ATP11B: variants seen among roughly 807,000 people sequenced by gnomAD.
ATP11B encodes the protein phospholipid-transporting ATPase IF.
Under a neutral mutation model 157.8 loss-of-function variants are expected in ATP11B, and 81 were observed. That is an observed-to-expected ratio of 0.51 (90% CI 0.43 to 0.62). The LOEUF is 0.62. ATP11B is among the 20% of genes least tolerant of loss of function. The pLI is 0.00. For missense variants in ATP11B, 1,165 were observed against 1,402.2 expected, an observed-to-expected ratio of 0.83 and a Z score of 2.70; for synonymous variants, 451 against 469.4, an observed-to-expected ratio of 0.96 and a Z score of 0.51.
In ATP11B at chr3:182,913,906, TG is replaced by T; in HGVS notation, c.3365del (p.Cys1122PhefsTer20). On this transcript the variant is annotated frameshift_variant, in exon 29 of 30. Transcript: ENST00000323116. LOFTEE classifies it high-confidence loss of function. ...TATCAAGTGCTTGGACTCCATGTGC[TG>T]TTTCCCGGAAGGAGAAGCAGCGTGT... ...AGIKCLDSMC[C>X]FPEGEAACAS... 1 of 1,614,154 alleles carries T rather than the reference TG, an allele frequency of 6.2e-7. No individual in the cohort carries two copies. Among genetic ancestry groups the T allele is most frequent in the Non-Finnish European group, 8.5e-7 (1 of 1,179,974 alleles).
chr3:182,807,230 C>T (rs916666665), intron 1 of ATP11B, among the ~76,000 whole-genome samples: 3 of 151,960 alleles, frequency 2.0e-5, no homozygotes, highest in African/African-American at 7.3e-5. Flanking sequence ...CAGTAGCTTC[C>T]ACCGTTATCT....
intron 15 of ATP11B, 26 bp downstream of exon 15, chr3:182,867,470 G>T (rs1355667179): frequency 3.5e-6 from 5 of 1,439,808 alleles, no homozygotes; most frequent in Non-Finnish European, 4.9e-6. Context: ...ATATTGGAAT[G>T]TTTTCTGTGT....
chr3:182,880,318 A>G (rs1473541542), intron 20 of ATP11B, among the ~76,000 whole-genome samples: 1 of 152,204 alleles, frequency 6.6e-6, no homozygotes, highest in African/African-American at 2.4e-5. Context: ...ATTTTGTTAC[A>G]GTACTGATAC....
intron 19 of ATP11B, among the ~76,000 whole-genome samples, chr3:182,877,992 T>A (rs1398685918): frequency 6.6e-6 from 1 of 152,212 alleles, no homozygotes; most frequent in Non-Finnish European, 1.5e-5. Flanking sequence ...TTCTGAGGCC[T>A]GTTCCTCAGG....
At chr3:182,817,941 ACTTT>A (rs1488622105) in intron 1 of ATP11B, among the ~76,000 whole-genome samples, 1 of 152,160 alleles carries the variant, frequency 6.6e-6, no homozygotes. Context: ...CCTGAAATTT[ACTTT>A]CTTTTTTAAA....
chr3:182,902,414 G>C, intron 28 of ATP11B: 4 of 935,088 alleles, frequency 4.3e-6, no homozygotes, highest in Non-Finnish European at 5.9e-6. Context: ...TCCTGTGTCT[G>C]TCTCTTAGGT....
At chr3:182,893,505 G>C (rs1380393572) in intron 25 of ATP11B, among the ~76,000 whole-genome samples, 1 of 152,136 alleles carries the variant, frequency 6.6e-6, no homozygotes, top group Non-Finnish European at 1.5e-5. Context: ...CCAGTTTCCT[G>C]TGAATGCCAT....
chr3:182,858,391 C>G (rs1720588095), intron 11 of ATP11B, among the ~76,000 whole-genome samples: 1 of 152,066 alleles, frequency 6.6e-6, no homozygotes, highest in Non-Finnish European at 1.5e-5. Context: ...TTAATTTTGT[C>G]TTAATAATTC....
chr3:182,907,562 T>C (rs1257386239), intron 28 of ATP11B, among the ~76,000 whole-genome samples: 1 of 152,220 alleles, frequency 6.6e-6, no homozygotes, highest in Non-Finnish European at 1.5e-5. Flanking sequence ...TGTTTTGGTA[T>C]GCTTCATATG....
intron 7 of ATP11B, among the ~76,000 whole-genome samples, chr3:182,840,493 G>T (rs1313261967): frequency 6.6e-6 from 1 of 152,174 alleles, no homozygotes; most frequent in Non-Finnish European, 1.5e-5. Context: ...AACTTCAGCT[G>T]CCTGTTCTAC....
chr3:182,915,195 G>A (rs1373979114), intron 29 of ATP11B: 1 of 985,182 alleles, frequency 1.0e-6, no homozygotes, highest in Non-Finnish European at 1.2e-6. Flanking sequence ...TTTAGCTTTA[G>A]CTTAGCCATG....
chr3:182,848,058 C>G (rs1719671944), intron 9 of ATP11B, among the ~76,000 whole-genome samples: 1 of 152,208 alleles, frequency 6.6e-6, no homozygotes, highest in South Asian at 2.1e-4. Flanking sequence ...CCGATTCCAG[C>G]ATTCAGGGCT....
intron 1 of ATP11B, among the ~76,000 whole-genome samples, chr3:182,801,600 T>C (rs1716018977): frequency 6.6e-6 from 1 of 152,210 alleles, no homozygotes; most frequent in Non-Finnish European, 1.5e-5. Context: ...AATCTTGTTT[T>C]ATCTATTCCC....
chr3:182,867,733 G>A (rs1050265843), intron 15 of ATP11B, among the ~76,000 whole-genome samples: 17 of 151,938 alleles, frequency 1.1e-4, no homozygotes, highest in African/African-American at 2.7e-4. Flanking sequence ...ACAGGCATGC[G>A]CCACTATGCC....
chr3:182,836,553 G>A (rs750600262), intron 6 of ATP11B, 83 bp downstream of exon 6: 6 of 1,532,330 alleles, frequency 3.9e-6, no homozygotes, highest in Non-Finnish European at 5.4e-6. Flanking sequence ...GGTTAAAGTA[G>A]TAAAGTTTGA....
chr3:182,907,092 CAA>C (rs58120749), intron 28 of ATP11B, among the ~76,000 whole-genome samples: 69 of 115,424 alleles, frequency 6.0e-4, no homozygotes, highest in East Asian at 4.3e-3. Flanking sequence ...GACTCCGTCT[CAA>C]AAAAAAAAAA....
intron 21 of ATP11B, among the ~76,000 whole-genome samples, chr3:182,883,988 A>ACT: frequency 6.6e-6 from 1 of 151,476 alleles, no homozygotes. Context: ...ATGCAGACTA[A>ACT]AAACAGCAGT....
chr3:182,837,003 T>G, intron 6 of ATP11B, 68 bp from the exon 7 acceptor site: 8 of 1,108,258 alleles, frequency 7.2e-6, no homozygotes, highest in Non-Finnish European at 1.1e-5. Context: ...AAAAGAGATT[T>G]GAAATAACTG....
intron 2 of ATP11B, among the ~76,000 whole-genome samples, chr3:182,822,049 T>C (rs1164151384): frequency 4.6e-5 from 7 of 152,112 alleles, no homozygotes; most frequent in African/African-American, 1.7e-4. Flanking sequence ...AAGCAGAAAG[T>C]AGGAAGAGGA....
Sources: allele counts gnomAD v4.1 joint callset (sites outside exome capture counted in the v4.1 genomes callset), GRCh38; gene constraint gnomAD v4.1.1; transcripts MANE v1.5; gene names NCBI Gene and HGNC (gene_info 2026-07-23, HGNC 2026-07-21).